Variants in CFAP54 observed in about 807,000 individuals in gnomAD.
The protein encoded by CFAP54 is cilia and flagella associated protein 54.
Under a neutral mutation model 370.4 loss-of-function variants are expected in CFAP54, and 290 were observed. The ratio of observed to expected loss-of-function variants is 0.78; its 90% CI spans 0.71 to 0.86. The LOEUF (loss-of-function observed/expected upper bound fraction) is 0.86, where lower values mean the gene tolerates loss of function less well. CFAP54 is among the 40% of genes least tolerant of loss of function. The pLI is 0.00. For synonymous variants in CFAP54, 1,206 were observed against 1,236.5 expected, an observed-to-expected ratio of 0.98 and a Z score of 0.52; for missense variants, 3,399 against 3,528.7, an observed-to-expected ratio of 0.96 and a Z score of 0.93.
chr12:96,808,376 G>A (rs1268543437), intron 63 of CFAP54, among the ~76,000 whole-genome samples: 4 of 152,052 alleles, frequency 2.6e-5, no homozygotes, highest in Non-Finnish European at 2.9e-5. Context: ...TGTGTCAGAT[G>A]AACACATCTT....
At chr12:96,675,538 T>G (rs368480962) in intron 39 of CFAP54, among the ~76,000 whole-genome samples, 12 of 152,132 alleles carry the variant, frequency 7.9e-5, no homozygotes, top group Non-Finnish European at 1.8e-4. Context: ...GGCGATTCCT[T>G]AGGGATCTAG....
chr12:96,714,439 C>T (rs1027370307), intron 48 of CFAP54, among the ~76,000 whole-genome samples: 3 of 152,096 alleles, frequency 2.0e-5, no homozygotes, highest in East Asian at 1.9e-4. Context: ...TAAGACCACA[C>T]GTCATCTCCA....
At position 96,792,374 on chromosome 12, in the gene CFAP54, G is replaced by C. The variant is rs564566983; in HGVS notation, c.8725G>C (p.Val2909Leu). The C allele has an allele frequency of 3.3e-6, 5 of 1,535,740 alleles. No homozygotes were observed. In the African/African-American group the frequency reaches 6.8e-5, roughly 21 times the overall value. ...SVQSILSFKP[V>L]SGSSCVDITP... ...ACAATCCATTTTATCTTTTAAGCCT[G>C]TTTCAGGCTCATCTTGTGTGGACAT... is the stretch of plus-strand genomic sequence containing the variant. Residue 2909 changes from valine (V) to leucine (L), a missense_variant, in exon 63 of 68, where the codon GTT becomes CTT. Transcript: ENST00000524981.
At chr12:96,545,827 T>A (rs1487945354) in intron 14 of CFAP54, among the ~76,000 whole-genome samples, 1 of 152,210 alleles carries the variant, frequency 6.6e-6, no homozygotes, top group Non-Finnish European at 1.5e-5. Flanking sequence ...AAAAGGTCCA[T>A]GAGGACATGG....
At position 96,734,540 on chromosome 12, in the gene CFAP54, C is replaced by T. The variant is rs115739285; in HGVS notation, c.6966-5416C>T. 9.3e-3 allele frequency among the ~76,000 whole-genome samples: 1,417 copies of T among 152,170 alleles called. 23 individuals carry two copies. The highest frequency in any genetic ancestry group is 0.031 in the African/African-American group (1,307 of 41,512). The stretch of plus-strand genomic sequence containing the variant: ...TTTAACCCTTATAATAATCTCATGT[C>T]ATGAAGTTTGCACTGTTATTATCAT... On this transcript the variant is annotated intron_variant, in intron 50 of 67. Coordinates refer to ENST00000524981, the MANE Select transcript of CFAP54 (RefSeq NM_001306084.2).
At position 96,625,903 on chromosome 12, in the gene CFAP54, C is replaced by T. The variant is rs1054958027; in HGVS notation, c.3976+96C>T. On this transcript the variant is annotated intron_variant, in intron 29 of 67. Transcript: ENST00000524981. The stretch of plus-strand genomic sequence containing the variant: ...GTTTCTGTTGTCTGCTTGAAGATTT[C>T]ACCTGTTTCAGGCAGAATATTTTGA... 6.5e-6 allele frequency: 6 copies of T among 921,102 alleles called. No homozygotes were observed. In the African/African-American group the frequency reaches 8.3e-5, roughly 13 times the overall value. 57.1% of individuals were successfully genotyped at this position (921,102 alleles called of 1,614,324 possible).
intron 67 of CFAP54, among the ~76,000 whole-genome samples, chr12:96,873,758 A>G (rs1373688638): frequency 1.3e-5 from 2 of 152,236 alleles, no homozygotes; most frequent in Non-Finnish European, 2.9e-5. Flanking sequence ...TAAAAAATCA[A>G]TTTGAATTTC....
chr12:96,605,656 C>T (rs552760618), intron 26 of CFAP54, among the ~76,000 whole-genome samples: 1 of 152,266 alleles, frequency 6.6e-6, no homozygotes, highest in African/African-American at 2.4e-5. Context: ...GTGTCAGGCA[C>T]TGGTTTGGGC....
At position 96,860,862 on chromosome 12, in the gene CFAP54, G is replaced by A. The variant is rs1294611843; in HGVS notation, c.9215G>A (p.Arg3072Lys). The change falls in exon 67 of 68, where the codon AGA becomes AAA. Residue 3072 changes from arginine to lysine, a missense_variant. Physicochemically the swap from Arg to Lys is conservative, Grantham distance 26. Transcript: ENST00000524981. The part of the protein sequence containing the change: ...ISLPSIFNLE[R>K]LFDLANGCIL... ...CTGCCGTCTATATTCAATCTTGAGA[G>A]ACTTTTTGATCTGGCTAATGGTTGC... The A allele has an allele frequency of 2.6e-6, 4 of 1,534,060 alleles. No homozygotes were observed. Among genetic ancestry groups the A allele is most frequent in the Admixed American group, 3.9e-5 (2 of 50,854 alleles).
chr12:96,602,534 C>G (rs1338524555), intron 26 of CFAP54, among the ~76,000 whole-genome samples: 1 of 152,136 alleles, frequency 6.6e-6, no homozygotes, highest in Non-Finnish European at 1.5e-5. Context: ...TCTCATTGAT[C>G]AGTCTAATAT....
intron 22 of CFAP54, among the ~76,000 whole-genome samples, chr12:96,584,077 C>G (rs1389924971): frequency 6.6e-6 from 1 of 152,100 alleles, no homozygotes; most frequent in Admixed American, 6.6e-5. Context: ...ACGACTCCCA[C>G]TTTGTATGTG....
At chr12:96,718,327 C>A in intron 48 of CFAP54, 116 bp from the exon 49 acceptor site, 1 of 621,382 alleles carries the variant, frequency 1.6e-6, no homozygotes, top group Non-Finnish European at 2.9e-6. Flanking sequence ...CCACTGTGCT[C>A]CAGCCTGGGT....
rs544975498 is a variant in CFAP54 at position 96,589,387 on chromosome 12, C to T, written c.3076-40C>T. On this transcript the variant is annotated intron_variant, in intron 22 of 67. Coordinates refer to ENST00000524981, the MANE Select transcript of CFAP54 (RefSeq NM_001306084.2). ...AATTATTGTTTAAAACATTCATTCA[C>T]GAATAAAACTATTACATAAATATGT... is the stretch of plus-strand genomic sequence containing the variant. The T allele has an allele frequency of 3.3e-4, 469 of 1,436,852 alleles. 1 individual carries two copies. In the African/African-American group the frequency reaches 5.3e-3, roughly 16 times the overall value. The allele number at this position is 1,436,852 out of a possible 1,614,324, so 89.0% of individuals were successfully genotyped here.
At chr12:96,573,558 C>T (rs962754209) in intron 19 of CFAP54, among the ~76,000 whole-genome samples, 5 of 152,228 alleles carry the variant, frequency 3.3e-5, no homozygotes, top group African/African-American at 1.2e-4. Context: ...TGATTGTGTG[C>T]TCTGGGCCTC....
intron 66 of CFAP54, among the ~76,000 whole-genome samples, chr12:96,858,436 T>G (rs1403969560): frequency 6.6e-6 from 1 of 152,222 alleles, no homozygotes; most frequent in East Asian, 1.9e-4. Context: ...TCTCCCATTC[T>G]CTAGGTTGTC....
rs1214172141 is a variant in CFAP54, at chr12:96,638,209, G to GCA, written c.4317-5969_4317-5968insCA. On this transcript the variant is annotated intron_variant, in intron 32 of 67. Transcript: ENST00000524981. Reference sequence around the variant, plus strand: ...CATATATATATATATATATGCATGTGTGTGTGTGTGTGTGTGTGTGTGTGT... The same window carrying GCA: ...CATATATATATATATATATGCATGTGCATGTGTGTGTGTGTGTGTGTGTGTGT... Among the ~76,000 whole-genome samples, 360 of 81,490 alleles carry GCA rather than the reference G, an allele frequency of 4.4e-3. 2 individuals are homozygous for GCA. Among genetic ancestry groups the GCA allele is most frequent in the African/African-American group, 0.015 (326 of 21,484 alleles). 53.5% of individuals were successfully genotyped at this position (81,490 alleles called of 152,430 possible). A position where few individuals can be genotyped will look rare whatever the true frequency, so the allele number is the denominator to read the frequency against.
At chr12:96,591,847 C>T (rs1483751997) in intron 23 of CFAP54, among the ~76,000 whole-genome samples, 1 of 149,324 alleles carries the variant, frequency 6.7e-6, no homozygotes, top group African/African-American at 2.5e-5. Context: ...GTCGAGATCG[C>T]GCCACTGCAC....
chr12:96,607,052 C>G (rs539434233), intron 26 of CFAP54, among the ~76,000 whole-genome samples: 1 of 152,094 alleles, frequency 6.6e-6, no homozygotes, highest in Non-Finnish European at 1.5e-5. Flanking sequence ...AGGCTTCTAC[C>G]CTCCACCTTA....
intron 50 of CFAP54, among the ~76,000 whole-genome samples, chr12:96,739,601 A>G (rs1477096915): frequency 6.6e-6 from 1 of 152,216 alleles, no homozygotes; most frequent in Non-Finnish European, 1.5e-5. Flanking sequence ...GAGATTGCCA[A>G]TACATTTTGT....
Sources: gnomAD v4.1 joint callset for allele counts (sites outside exome capture counted in the v4.1 genomes callset) on GRCh38, gnomAD v4.1.1 for gene constraint, MANE v1.5 for transcripts, NCBI Gene and HGNC (gene_info 2026-07-23, HGNC 2026-07-21) for gene names.